The following TP73 variants were observed in gnomAD, a reference collection of about 807,000 sequenced individuals.
TP73 encodes the protein p53-like transcription factor.
In TP73, 25 loss-of-function variants were observed where a neutral mutation model predicts 62.5. That is an observed-to-expected ratio of 0.40 (90% CI 0.29 to 0.56). The LOEUF (loss-of-function observed/expected upper bound fraction) is 0.56. Among genes scored for constraint, TP73 ranks in the 20% least tolerant of loss-of-function variants. The probability of loss-of-function intolerance (pLI) is 0.46; values close to 1 mark genes in which losing one functional copy is unlikely to be tolerated. For missense variants in TP73, 754 were observed against 913.3 expected (o/e 0.83, Z 2.25); for synonymous variants, 423 against 377.5 (o/e 1.12, Z -1.40).
In TP73 at chr1:3,682,339, C is replaced by G; in HGVS notation, c.-27C>G. On this transcript the variant is annotated 5_prime_UTR_variant, in exon 2 of 14. Coordinates refer to ENST00000378295, the MANE Select transcript of TP73 (RefSeq NM_005427.4). Reference sequence around the variant, plus strand: ...CATTCCTTCCTTCCTGCAGAGCGAGCTGCCCTCGGAGGCCGGCGTGGGGAA... The same window carrying G: ...CATTCCTTCCTTCCTGCAGAGCGAGGTGCCCTCGGAGGCCGGCGTGGGGAA... 6.7e-7 allele frequency: 1 copy of G among 1,501,050 alleles called. No individual in the cohort carries two copies. Among genetic ancestry groups the G allele is most frequent in the Non-Finnish European group, 9.0e-7 (1 of 1,114,870 alleles). 93.0% of individuals were successfully genotyped at this position (1,501,050 alleles called of 1,614,324 possible). A position where few individuals can be genotyped will look rare whatever the true frequency, so the allele number is the denominator to read the frequency against.
rs1301520691 is a variant in TP73 at position 3,732,634 on chromosome 1, G to T, written c.1579-113G>T. ...CCTCCCCCGTCTCCTGCCTACTCTG[G>T]TTGGGGGTGTAGGGGCCAGGGTGTG... On this transcript the variant is annotated intron_variant, in intron 13 of 13. Transcript: ENST00000378295. 3 of 943,956 alleles carry T rather than the reference G, an allele frequency of 3.2e-6. No individual in the cohort carries two copies. The East Asian group carries it at 7.9e-5, about 25-fold the overall frequency. 58.5% of individuals were successfully genotyped at this position (943,956 alleles called of 1,614,324 possible). A position where few individuals can be genotyped will look rare whatever the true frequency, so the allele number is the denominator to read the frequency against.
chr1:3,708,079 C>T (rs1426041516), intron 4 of TP73: 4 of 515,552 alleles, frequency 7.8e-6, no homozygotes, highest in South Asian at 4.7e-5. Context: ...GACTGGCCAG[C>T]GGCTTCCCCA....
At chr1:3,718,126 G>A (rs1242062312) in intron 4 of TP73, among the ~76,000 whole-genome samples, 4 of 152,184 alleles carry the variant, frequency 2.6e-5, no homozygotes, top group Non-Finnish European at 4.4e-5. Flanking sequence ...ACTCCAGTCC[G>A]AGCCCCCACT....
intron 1 of TP73, among the ~76,000 whole-genome samples, chr1:3,675,075 A>G (rs1173827330): frequency 2.0e-4 from 11 of 54,772 alleles, no homozygotes; most frequent in African/African-American, 8.9e-4. Flanking sequence ...TCCTCCCACA[A>G]TGGCCCAGGT....
At chr1:3,695,157 C>G (rs1018527732) in intron 3 of TP73, among the ~76,000 whole-genome samples, 1 of 152,238 alleles carries the variant, frequency 6.6e-6, no homozygotes, top group East Asian at 1.9e-4. Flanking sequence ...ACATTACCCA[C>G]TTCTGCCTGT....
At chr1:3,710,356 G>A (rs1489233398) in intron 4 of TP73, among the ~76,000 whole-genome samples, 1 of 152,162 alleles carries the variant, frequency 6.6e-6, no homozygotes, top group Non-Finnish European at 1.5e-5. Flanking sequence ...CCCTCCACCA[G>A]GGCTTCTTTC....
In TP73 at chr1:3,722,013, C is replaced by T. The variant is rs778648883; in HGVS notation, c.430-8C>T. ...CTGGTCTCACCCGCTCCCTCTCCCC[C>T]ACTCCAGTACTCCCCGCTCTTGAAG... On this transcript the variant is annotated splice_polypyrimidine_tract_variant and splice_region_variant and intron_variant, in intron 4 of 13. Transcript: ENST00000378295. 6.3e-7 allele frequency: 1 copy of T among 1,597,852 alleles called. No individual in the cohort carries two copies. Among genetic ancestry groups the T allele is most frequent in the African/African-American group, 1.3e-5 (1 of 74,394 alleles).
chr1:3,704,743 C>T (rs1301123142), intron 3 of TP73, among the ~76,000 whole-genome samples: 1 of 152,132 alleles, frequency 6.6e-6, no homozygotes, highest in African/African-American at 2.4e-5. Context: ...AGTCTGGGAG[C>T]CGGGGACTCT....
intron 5 of TP73, among the ~76,000 whole-genome samples, chr1:3,723,113 C>T (rs1209810315): frequency 1.3e-5 from 2 of 149,586 alleles, no homozygotes; most frequent in African/African-American, 2.5e-5. Context: ...CAGGGGTGGG[C>T]ACCTTTGCAG....
At chr1:3,717,207 C>T (rs571319090) in intron 4 of TP73, among the ~76,000 whole-genome samples, 106 of 152,346 alleles carry the variant, frequency 7.0e-4, no homozygotes, top group African/African-American at 2.3e-3. Flanking sequence ...GAGCGAGGAG[C>T]GGGCACAAGG....
At chr1:3,665,483 G>A (rs996401757) in intron 1 of TP73, among the ~76,000 whole-genome samples, 2 of 152,174 alleles carry the variant, frequency 1.3e-5, no homozygotes, top group African/African-American at 2.4e-5. Flanking sequence ...GTCTTTGAAA[G>A]TATTAGAATA....
intron 2 of TP73, 63 bp downstream of exon 2, chr1:3,682,493 G>A: frequency 1.2e-5 from 17 of 1,378,514 alleles, no homozygotes; most frequent in Non-Finnish European, 1.6e-5. Flanking sequence ...GCTAGCCTCA[G>A]CCACCTTCGC....
intron 1 of TP73, among the ~76,000 whole-genome samples, chr1:3,680,596 T>G (rs1236318715): frequency 1.3e-5 from 2 of 152,196 alleles, no homozygotes; most frequent in African/African-American, 4.8e-5. Context: ...CCACCCAGCC[T>G]TGGCCCACAT....
rs919523014 is a variant in TP73, at chr1:3,653,556, C to G, written c.-34+915C>G. Among the ~76,000 whole-genome samples, 3 of 152,370 alleles carry G rather than the reference C, an allele frequency of 2.0e-5. No homozygotes were observed. The East Asian group carries it at 5.8e-4, about 29-fold the overall frequency. ...AAGCAATGCACCCCAAACTTCTGAC[C>G]AGAGGTCATTTGCTTCCAAAGATGC... On this transcript the variant is annotated intron_variant, in intron 1 of 13. Transcript: ENST00000378295.
rs188048234 is a variant in TP73, at chr1:3,654,271, G to A, written c.-34+1630G>A. ...AGGTAGCCTGGGGTGAACGGAAGGC[G>A]GACCTGAGCGGGGCTTGTCTATGCG... On this transcript the variant is annotated intron_variant, in intron 1 of 13. Transcript: ENST00000378295. Among the ~76,000 whole-genome samples the A allele has an allele frequency of 5.4e-4, 82 of 152,310 alleles. 1 individual carries two copies. Among genetic ancestry groups the A allele is most frequent in the Middle Eastern group, 3.4e-3 (1 of 294 alleles).
chr1:3,730,862 G>C, intron 11 of TP73, 65 bp from the exon 12 acceptor site: 3 of 1,515,530 alleles, frequency 2.0e-6, no homozygotes, highest in Non-Finnish European at 2.7e-6. Context: ...TCTGGAGCCT[G>C]GGTGGAGGCT....
intron 1 of TP73, among the ~76,000 whole-genome samples, chr1:3,680,678 C>T (rs1050387289): frequency 4.1e-4 from 63 of 152,210 alleles, no homozygotes; most frequent in Non-Finnish European, 8.1e-4. Flanking sequence ...TGGGCAAGGG[C>T]GGGTTCTGCT....
chr1:3,708,070 A>AC, intron 4 of TP73: 1 of 534,912 alleles, frequency 1.9e-6, no homozygotes, highest in South Asian at 2.3e-5. Flanking sequence ...CTCTGCCAAG[A>AC]CTGGCCAGCG....
chr1:3,695,861 C>A (rs1453146735), intron 3 of TP73, among the ~76,000 whole-genome samples: 1 of 152,244 alleles, frequency 6.6e-6, no homozygotes, highest in Non-Finnish European at 1.5e-5. Flanking sequence ...ATGGGGCAGC[C>A]CCGCCGGTCA....
Sources: allele counts gnomAD v4.1 joint callset (sites outside exome capture counted in the v4.1 genomes callset), GRCh38; gene constraint gnomAD v4.1.1; transcripts MANE v1.5; gene names NCBI Gene and HGNC (gene_info 2026-07-23, HGNC 2026-07-21).